The following KBTBD11 variants were observed in gnomAD, a reference collection of about 807,000 sequenced individuals.
The protein encoded by KBTBD11 is kelch repeat and BTB domain-containing protein 11.
For synonymous variants in KBTBD11, 747 were observed against 499.0 expected (o/e 1.50, Z -6.63); for missense variants, 1,390 against 1,001.8 (o/e 1.39, Z -5.23).
chr8:1,988,146 G>C (rs9657386), intron 1 of KBTBD11, among the ~76,000 whole-genome samples: 75,127 of 151,980 alleles, frequency 0.49, 22,059 homozygotes, highest in East Asian at 0.83. Context: ...GGACATTTGG[G>C]TTGGTTCCAA....
chr8:1,985,434 C>G (rs1007932461), intron 1 of KBTBD11, among the ~76,000 whole-genome samples: 7 of 152,408 alleles, frequency 4.6e-5, no homozygotes, highest in East Asian at 1.9e-4. Context: ...ACTGGACAGT[C>G]TCCAGGGGAG....
chr8:1,980,604 C>G (rs1245345800), intron 1 of KBTBD11, among the ~76,000 whole-genome samples: 1 of 152,212 alleles, frequency 6.6e-6, no homozygotes, highest in Non-Finnish European at 1.5e-5. Context: ...GTGGGGGATG[C>G]CACGTGCTTC....
chr8:1,997,012 G>GC lies in KBTBD11; in HGVS notation c.-908-3267dup, dbSNP rs532594831. 2.4e-3 allele frequency among the ~76,000 whole-genome samples: 362 copies of GC among 152,068 alleles called. 2 individuals are homozygous for GC. The highest frequency in any genetic ancestry group is 6.8e-3 in the Middle Eastern group (2 of 294). On this transcript the variant is annotated intron_variant, in intron 1 of 1. Coordinates refer to ENST00000320248, the MANE Select transcript of KBTBD11 (RefSeq NM_014867.3). The stretch of plus-strand genomic sequence containing the variant: ...TGGTCACTCCCTGTCTCCCCCGCGC[G>GC]CCCCCCGTGCCTTCCATGGAAACTG...
At chr8:1,995,894 G>A (rs1156612981) in intron 1 of KBTBD11, among the ~76,000 whole-genome samples, 3 of 152,066 alleles carry the variant, frequency 2.0e-5, no homozygotes, top group Non-Finnish European at 2.9e-5. Flanking sequence ...CTGTGGTGGT[G>A]CGCCCCCATA....
Position 2,001,261 on chromosome 8 carries a change from G to C in KBTBD11, c.69G>C (p.Glu23Asp). Residue 23 changes from glutamate to aspartate, a missense_variant, in exon 2 of 2, where the codon GAG (glutamate) becomes GAC (aspartate). Physicochemically the swap from Glu to Asp is conservative, Grantham distance 45 (BLOSUM62 2). Coordinates refer to ENST00000320248, the MANE Select transcript of KBTBD11 (RefSeq NM_014867.3). ...GTEPGAAGES[E>D]SEGAASPAQT... ...AGCCCGGGGCTGCCGGGGAGAGCGA[G>C]AGCGAGGGCGCCGCGTCCCCGGCGC... is the stretch of plus-strand genomic sequence containing the variant. 4 of 1,514,076 alleles carry C rather than the reference G, an allele frequency of 2.6e-6. No homozygotes were observed. Among genetic ancestry groups the C allele is most frequent in the Non-Finnish European group, 3.5e-6 (4 of 1,137,970 alleles). The allele number at this position is 1,514,076 out of a possible 1,614,324, so 93.8% of individuals were successfully genotyped here. A position where few individuals can be genotyped will look rare whatever the true frequency, so the allele number is the denominator to read the frequency against.
chr8:1,993,058 G>A (rs1158750347), intron 1 of KBTBD11, among the ~76,000 whole-genome samples: 1 of 152,048 alleles, frequency 6.6e-6, no homozygotes, highest in Admixed American at 6.6e-5. Context: ...TCTGACCCCA[G>A]CTTCCCGCGT....
chr8:1,980,637 G>A (rs771920141), intron 1 of KBTBD11, among the ~76,000 whole-genome samples: 9 of 152,228 alleles, frequency 5.9e-5, no homozygotes, highest in African/African-American at 9.6e-5. Flanking sequence ...TGGCATGGCC[G>A]GGTTGTGGTT....
At position 2,005,714 on chromosome 8, in the gene KBTBD11, T is replaced by C. The variant is rs73184758; in HGVS notation, c.*2650T>C. 14,597 of 167,186 alleles carry C rather than the reference T, an allele frequency of 0.087. 772 individuals are homozygous for C. Among genetic ancestry groups the C allele is most frequent in the Non-Finnish European group, 0.12 (8,454 of 68,098 alleles). The allele number at this position is 167,186 out of a possible 1,614,324, so 10.4% of individuals were successfully genotyped here. The stretch of plus-strand genomic sequence containing the variant: ...GAGGCTATTGCCTTGATGACAGCTG[T>C]CCACACTCCTCATGAAATTAACCCG... On this transcript the variant is annotated 3_prime_UTR_variant, in exon 2 of 2. Coordinates refer to ENST00000320248, the MANE Select transcript of KBTBD11 (RefSeq NM_014867.3).
At chr8:1,993,801 A>G (rs1239436487) in intron 1 of KBTBD11, among the ~76,000 whole-genome samples, 1 of 151,962 alleles carries the variant, frequency 6.6e-6, no homozygotes, top group Admixed American at 6.6e-5. Context: ...AGAATGCACC[A>G]TGGCAGCTTG....
At chr8:1,974,127 GC>G in intron 1 of KBTBD11, among the ~76,000 whole-genome samples, 192 bp downstream of exon 1, 1 of 127,858 alleles carries the variant, frequency 7.8e-6, no homozygotes, top group Non-Finnish European at 1.7e-5. Flanking sequence ...GGGGAGCGGA[GC>G]GGAGGGGAGG....
At chr8:1,977,446 T>A (rs1816386019) in intron 1 of KBTBD11, among the ~76,000 whole-genome samples, 1 of 152,062 alleles carries the variant, frequency 6.6e-6, no homozygotes, top group Non-Finnish European at 1.5e-5. Context: ...CTTGGACTCC[T>A]GCAGTAGTCT....
At chr8:1,975,292 A>G (rs780064511) in intron 1 of KBTBD11, 3 of 152,270 alleles carry the variant, frequency 2.0e-5, no homozygotes, top group Non-Finnish European at 4.4e-5. Context: ...ATTGGACAGC[A>G]CATAATAAAA....
At chr8:1,993,713 T>C (rs1194567514) in intron 1 of KBTBD11, among the ~76,000 whole-genome samples, 14 of 151,894 alleles carry the variant, frequency 9.2e-5, no homozygotes, top group Non-Finnish European at 2.1e-4. Context: ...AATGATACTA[T>C]GTGGTGCTAA....
intron 1 of KBTBD11, among the ~76,000 whole-genome samples, chr8:1,998,298 T>C (rs912199313): frequency 5.3e-5 from 8 of 152,230 alleles, no homozygotes; most frequent in Admixed American, 5.2e-4. Flanking sequence ...GGTCCCTCGC[T>C]GTTGGGGGCA....
intron 1 of KBTBD11, among the ~76,000 whole-genome samples, chr8:1,983,888 G>C (rs1162829579): frequency 3.3e-5 from 5 of 152,240 alleles, no homozygotes; most frequent in African/African-American, 1.2e-4. Flanking sequence ...CCAGAACTTT[G>C]GGAGGCCAAG....
intron 1 of KBTBD11, among the ~76,000 whole-genome samples, chr8:1,987,202 CAT>C (rs1397707935): frequency 6.6e-6 from 1 of 152,058 alleles, no homozygotes; most frequent in East Asian, 1.9e-4. Flanking sequence ...CCATAAAAGA[CAT>C]AGGTGTTTTT....
intron 1 of KBTBD11, among the ~76,000 whole-genome samples, chr8:1,982,546 G>A (rs1314179882): frequency 2.6e-5 from 4 of 152,204 alleles, no homozygotes; most frequent in Non-Finnish European, 4.4e-5. Flanking sequence ...CAGGTTGAGA[G>A]TGAAGGGATG....
chr8:1,997,634 G>C (rs1025975247), intron 1 of KBTBD11, among the ~76,000 whole-genome samples: 6 of 152,240 alleles, frequency 3.9e-5, no homozygotes, highest in African/African-American at 1.4e-4. Context: ...CAGCCTTGCT[G>C]CTGCTACTCA....
In KBTBD11 at chr8:2,005,448, G is replaced by A. The variant is rs962738888; in HGVS notation, c.*2384G>A. On this transcript the variant is annotated 3_prime_UTR_variant, in exon 2 of 2. Transcript: ENST00000320248. ...TTTTGGGGGCCAGTCCCTGGGGTGT[G>A]GAGCCGCTAGGGTTTGCACCCATGA... 6.2e-6 allele frequency: 1 copy of A among 161,702 alleles called. No homozygotes were observed. Among genetic ancestry groups the A allele is most frequent in the African/African-American group, 2.5e-5 (1 of 39,568 alleles). 10.0% of individuals were successfully genotyped at this position (161,702 alleles called of 1,614,324 possible).
Sources: gnomAD v4.1 joint callset for allele counts (sites outside exome capture counted in the v4.1 genomes callset) on GRCh38, gnomAD v4.1.1 for gene constraint, MANE v1.5 for transcripts, NCBI Gene and HGNC (gene_info 2026-07-23, HGNC 2026-07-21) for gene names.